Variants in IQCB1 observed in about 807,000 individuals in gnomAD.
IQCB1 encodes IQ motif containing B1, also known as IQ calmodulin-binding motif-containing protein 1.
In IQCB1, 56 loss-of-function variants were observed where a neutral mutation model predicts 84.4. The observed-to-expected ratio is 0.66, with a 90% CI of 0.54 to 0.83. The LOEUF is 0.83. IQCB1 is among the 40% of genes least tolerant of loss of function. IQCB1 has a pLI of 0.00. For synonymous variants in IQCB1, 210 were observed against 234.8 expected (o/e 0.89, Z 0.96); for missense variants, 629 against 682.1 (o/e 0.92, Z 0.87).
At chr3:121,803,333 G>T (rs574129484) in intron 7 of IQCB1, among the ~76,000 whole-genome samples, 1 of 152,334 alleles carries the variant, frequency 6.6e-6, no homozygotes, top group East Asian at 1.9e-4. Flanking sequence ...TTACAGGTGT[G>T]AGCCACCGTG....
In IQCB1 at chr3:121,831,328, A is replaced by ACGCT. The variant is rs1192251958; in HGVS notation, c.-12-2360_-12-2357dup. On this transcript the variant is annotated intron_variant, in intron 2 of 14. Coordinates refer to ENST00000310864, the MANE Select transcript of IQCB1 (RefSeq NM_001023570.4). ...GCTGGGACTACACTTGCAAGCCATG[A>ACGCT]CGCTCGGCTAATTTTTTGTATTTTT... 1.2e-4 allele frequency among the ~76,000 whole-genome samples: 18 copies of ACGCT among 144,998 alleles called. 1 individual carries two copies. Among genetic ancestry groups the ACGCT allele is most frequent in the Non-Finnish European group, 2.8e-4 (18 of 63,556 alleles).
At position 121,807,392 on chromosome 3, in the gene IQCB1, A is replaced by G. The variant is rs1336635253; in HGVS notation, c.539T>C (p.Ile180Thr). 1.7e-5 allele frequency: 27 copies of G among 1,585,188 alleles called. 1 individual carries two copies. The East Asian group carries it at 4.5e-4, about 26-fold the overall frequency. ...LHLLQADNVQIGSAVMMMLQN... is the reference protein window; with the variant it reads ...LHLLQADNVQTGSAVMMMLQN... ...TAGCATCATCATGACTGCAGATCCTATTTGGACATTGTCAGCTTGCAGTAA... is the reference window on the plus strand; with the variant it reads ...TAGCATCATCATGACTGCAGATCCTGTTTGGACATTGTCAGCTTGCAGTAA... The change falls in exon 7 of 15, where the codon ATA (isoleucine) becomes ACA (threonine). Residue 180 changes from isoleucine to threonine, a missense_variant. Ile to Thr is a moderately conservative substitution (Grantham distance 89). Transcript: ENST00000310864.
rs1002233578 is a variant in IQCB1, at chr3:121,801,598, A to C, written c.588-2224T>G. Among the ~76,000 whole-genome samples, 4 of 152,056 alleles carry C rather than the reference A, an allele frequency of 2.6e-5. No homozygotes were observed. The East Asian group carries it at 7.7e-4, about 29-fold the overall frequency. ...TTTTTAAAAATATAATTGATATACAACAAACTGCATATATGTAAAGCATAT... is the reference window on the plus strand; with the variant it reads ...TTTTTAAAAATATAATTGATATACACCAAACTGCATATATGTAAAGCATAT... On this transcript the variant is annotated intron_variant, in intron 7 of 14. Transcript: ENST00000310864.
chr3:121,780,496 T>A (rs1036419499), intron 13 of IQCB1, among the ~76,000 whole-genome samples: 2 of 152,164 alleles, frequency 1.3e-5, no homozygotes, highest in African/African-American at 4.8e-5. Context: ...AGAAGGGTAG[T>A]CTTTTCCTCC....
At chr3:121,806,664 C>T (rs114643858) in intron 7 of IQCB1, among the ~76,000 whole-genome samples, 3,918 of 152,088 alleles carry the variant, frequency 0.026, 80 homozygotes, top group South Asian at 0.064. Flanking sequence ...CACCTCCCCT[C>T]GGTTTGGGTT....
intron 7 of IQCB1, 93 bp from the exon 8 acceptor site, chr3:121,799,467 C>T (rs1226300323): frequency 2.2e-5 from 17 of 786,038 alleles, no homozygotes; most frequent in Non-Finnish European, 3.0e-5. Context: ...AACTTGATGC[C>T]GGACTGTGTC....
At chr3:121,824,935 A>G (rs183166211) in intron 5 of IQCB1, among the ~76,000 whole-genome samples, 1 of 152,378 alleles carries the variant, frequency 6.6e-6, no homozygotes, top group Non-Finnish European at 1.5e-5. Context: ...GTATACAAGT[A>G]GTCCTAGCTT....
chr3:121,800,929 G>A (rs970228289), intron 7 of IQCB1, among the ~76,000 whole-genome samples: 25 of 151,920 alleles, frequency 1.6e-4, no homozygotes, highest in Middle Eastern at 3.4e-3. Context: ...CTTCCCAAAT[G>A]TCAAGTCACA....
rs1949524754 is a variant in IQCB1, at chr3:121,804,267, CTCAAA to C, written c.587+3072_587+3076del. 5.9e-5 allele frequency among the ~76,000 whole-genome samples: 9 copies of C among 152,050 alleles called. No individual in the cohort carries two copies. In the South Asian group the frequency reaches 1.9e-3, roughly 32 times the overall value. On this transcript the variant is annotated intron_variant, in intron 7 of 14. Coordinates refer to ENST00000310864, the MANE Select transcript of IQCB1 (RefSeq NM_001023570.4). ...ATACATTCTACTTATACATATGTTC[CTCAAA>C]TACAGCATTATTTTTGTGTAGGCAA...
chr3:121,801,412 T>A (rs746210261), intron 7 of IQCB1, among the ~76,000 whole-genome samples: 12 of 152,076 alleles, frequency 7.9e-5, no homozygotes, highest in Non-Finnish European at 1.3e-4. Context: ...CAACATTGAA[T>A]TAATCATCTG....
intron 13 of IQCB1, among the ~76,000 whole-genome samples, chr3:121,778,344 T>C (rs950812282): frequency 2.0e-5 from 3 of 152,150 alleles, no homozygotes; most frequent in Non-Finnish European, 4.4e-5. Flanking sequence ...GTTGACTGTT[T>C]ATTTTGCTGG....
In IQCB1 at chr3:121,770,119, A is replaced by G. The variant is rs886057822; in HGVS notation, c.*226T>C. On this transcript the variant is annotated 3_prime_UTR_variant, in exon 15 of 15. Coordinates refer to ENST00000310864, the MANE Select transcript of IQCB1 (RefSeq NM_001023570.4). ...ACTATGCTAAGTTTAGTTCTACAAT[A>G]AAAGCCACACAAATCTGTGTGTGGC... 6 of 511,228 alleles carry G rather than the reference A, an allele frequency of 1.2e-5. No individual in the cohort carries two copies. The highest frequency in any genetic ancestry group is 2.1e-5 in the Non-Finnish European group (6 of 283,632). 31.7% of individuals were successfully genotyped at this position (511,228 alleles called of 1,614,324 possible). A position where few individuals can be genotyped will look rare whatever the true frequency, so the allele number is the denominator to read the frequency against.
chr3:121,817,165 A>AC (rs143006249), intron 5 of IQCB1, among the ~76,000 whole-genome samples: 15,634 of 152,146 alleles, frequency 0.1, 851 homozygotes, highest in South Asian at 0.15. Flanking sequence ...GGAACAGAAA[A>AC]CCAAACACTG....
chr3:121,829,994 GTCAGGAGT>G (rs1268751912), intron 2 of IQCB1, among the ~76,000 whole-genome samples: 1 of 152,114 alleles, frequency 6.6e-6, no homozygotes, highest in Non-Finnish European at 1.5e-5. Flanking sequence ...ATCACTTGCG[GTCAGGAGT>G]TCAAGACCAG....
intron 5 of IQCB1, among the ~76,000 whole-genome samples, chr3:121,811,908 T>C (rs1305745187): frequency 2.0e-5 from 3 of 152,122 alleles, no homozygotes; most frequent in African/African-American, 7.2e-5. Flanking sequence ...CCCAGCACAG[T>C]TGATATACTG....
chr3:121,819,501 T>C (rs1950199101), intron 5 of IQCB1, among the ~76,000 whole-genome samples: 1 of 152,192 alleles, frequency 6.6e-6, no homozygotes, highest in South Asian at 2.1e-4. Context: ...GGATGAGTAC[T>C]AGTCTGTGGC....
intron 12 of IQCB1, among the ~76,000 whole-genome samples, chr3:121,783,537 T>C (rs1254474975): frequency 6.6e-6 from 1 of 152,246 alleles, no homozygotes; most frequent in African/African-American, 2.4e-5. Context: ...TCTGGAATTA[T>C]TAATTCTCTT....
At chr3:121,815,140 C>T (rs1424321925) in intron 5 of IQCB1, among the ~76,000 whole-genome samples, 1 of 152,196 alleles carries the variant, frequency 6.6e-6, no homozygotes, top group African/African-American at 2.4e-5. Flanking sequence ...ATCACATAAA[C>T]AGAACCAATG....
intron 14 of IQCB1, 115 bp from the exon 15 acceptor site, chr3:121,770,689 T>G: frequency 2.4e-6 from 2 of 828,932 alleles, no homozygotes; most frequent in Non-Finnish European, 4.2e-6. Flanking sequence ...CAACTCTGAA[T>G]GTACTACTTT....
Sources: allele counts gnomAD v4.1 joint callset (sites outside exome capture counted in the v4.1 genomes callset), GRCh38; gene constraint gnomAD v4.1.1; transcripts MANE v1.5; gene names NCBI Gene and HGNC (gene_info 2026-07-23, HGNC 2026-07-21).